The following GAN variants were observed in gnomAD, a reference collection of about 807,000 sequenced individuals.
GAN encodes the protein gigaxonin.
GAN carries 48 observed loss-of-function variants against 71.3 expected under a neutral mutation model. That is an observed-to-expected ratio of 0.67 (90% CI 0.53 to 0.86). The LOEUF is 0.86. Among genes scored for constraint, GAN ranks in the 40% least tolerant of loss-of-function variants. The pLI, the probability that GAN is intolerant of heterozygous loss-of-function variation, is 0.00. For synonymous variants in GAN, 386 were observed against 276.8 expected, an observed-to-expected ratio of 1.39 and a Z score of -3.92; for missense variants, 928 against 770.1, an observed-to-expected ratio of 1.21 and a Z score of -2.43.
rs1442642456 is a variant in GAN at position 81,356,964 on chromosome 16, C to T, written c.813C>T (p.Tyr271=). ...TGGCCAACTTCAAACCCCGGGGCTA[C>T]TCTGAGTGCATCGTGACTGTTGGTG... The part of the protein sequence containing the change: ...AMLANFKPRG[Y]SECIVTVGGE... The change falls in exon 4 of 11, where the codon TAC becomes TAT. Residue 271 remains tyrosine, a synonymous_variant. Coordinates refer to ENST00000648994, the MANE Select transcript of GAN (RefSeq NM_022041.4). The T allele has an allele frequency of 1.2e-6, 2 of 1,612,588 alleles. No individual in the cohort carries two copies. The highest frequency in any genetic ancestry group is 1.7e-6 in the Non-Finnish European group (2 of 1,179,120).
intron 9 of GAN, among the ~76,000 whole-genome samples, chr16:81,368,532 G>A (rs1179403925): frequency 6.6e-6 from 1 of 152,206 alleles, no homozygotes; most frequent in Non-Finnish European, 1.5e-5. Context: ...ACTTGAGCCT[G>A]GGAAGTGGTG....
chr16:81,375,703 C>T (rs1183783858), intron 9 of GAN, among the ~76,000 whole-genome samples: 1 of 151,954 alleles, frequency 6.6e-6, no homozygotes, highest in African/African-American at 2.4e-5. Flanking sequence ...TGGTGGCTCA[C>T]ACCTGCAATC....
chr16:81,349,438 G>C (rs7200073), intron 1 of GAN, among the ~76,000 whole-genome samples: 50,173 of 151,928 alleles, frequency 0.33, 9,192 homozygotes, highest in East Asian at 0.72. Flanking sequence ...CAGTTTAGGA[G>C]TTCGAAACCA....
Position 81,383,056 on chromosome 16 carries a change from A to T in GAN, c.*5460A>T, listed in dbSNP as rs879353061. ...CTTAAACTCCTGGCCTCAGATGTGG[A>T]GACCCAGCTGGGACTACAGGCATGA... On this transcript the variant is annotated 3_prime_UTR_variant, in exon 11 of 11. Transcript: ENST00000648994. 1 of 151,936 alleles carries T rather than the reference A, an allele frequency of 6.6e-6. No individual in the cohort carries two copies. Among genetic ancestry groups the T allele is most frequent in the Admixed American group, 6.6e-5 (1 of 15,244 alleles). 9.4% of individuals were successfully genotyped at this position (151,936 alleles called of 1,614,324 possible).
At chr16:81,316,363 C>T (rs1305858247) in intron 1 of GAN, among the ~76,000 whole-genome samples, 2 of 151,964 alleles carry the variant, frequency 1.3e-5, no homozygotes, top group Non-Finnish European at 2.9e-5. Flanking sequence ...ACACTTTTAA[C>T]CTTTGCATTG....
At chr16:81,341,926 G>A (rs1270029974) in intron 1 of GAN, among the ~76,000 whole-genome samples, 3 of 152,182 alleles carry the variant, frequency 2.0e-5, no homozygotes, top group South Asian at 2.1e-4. Flanking sequence ...TCAAAATAAA[G>A]GGATGGAGGA....
rs964914188 is a variant in GAN at position 81,383,567 on chromosome 16, A to G, written c.*5971A>G. The G allele has an allele frequency of 7.1e-6, 1 of 141,432 alleles. No homozygotes were observed. Among genetic ancestry groups the G allele is most frequent in the African/African-American group, 2.6e-5 (1 of 38,298 alleles). 8.8% of individuals were successfully genotyped at this position (141,432 alleles called of 1,614,324 possible). A position where few individuals can be genotyped will look rare whatever the true frequency, so the allele number is the denominator to read the frequency against. ...TCGCCTGCCCTCTTTTTTTTTTTTT[A>G]TTTTGAGATTAAAACTAATTCTTTT... On this transcript the variant is annotated 3_prime_UTR_variant, in exon 11 of 11. Coordinates refer to ENST00000648994, the MANE Select transcript of GAN (RefSeq NM_022041.4).
intron 9 of GAN, among the ~76,000 whole-genome samples, chr16:81,365,809 G>C (rs774547200): frequency 7.2e-5 from 11 of 151,986 alleles, no homozygotes; most frequent in Admixed American, 2.6e-4. Context: ...CAACATTTAG[G>C]GAGGTAGAAA....
chr16:81,333,225 G>A (rs2150673279), intron 1 of GAN, among the ~76,000 whole-genome samples: 1 of 139,652 alleles, frequency 7.2e-6, no homozygotes, highest in African/African-American at 2.7e-5. Flanking sequence ...CTAGGCAACA[G>A]AGCGAGACTC....
At chr16:81,328,798 C>T (rs1909475227) in intron 1 of GAN, among the ~76,000 whole-genome samples, 1 of 152,128 alleles carries the variant, frequency 6.6e-6, no homozygotes, top group East Asian at 1.9e-4. Flanking sequence ...TAAAAATATT[C>T]AGAGCAGGGA....
chr16:81,363,937 C>G lies in GAN; in HGVS notation c.1230C>G (p.Val410=). 6.2e-7 allele frequency: 1 copy of G among 1,612,680 alleles called. No homozygotes were observed. The highest frequency in any genetic ancestry group is 8.5e-7 in the Non-Finnish European group (1 of 1,178,684). The stretch of plus-strand genomic sequence containing the variant: ...CAAAGCAACCTGATTTGACCATGGT[C>G]AGAAAGGTGAGGACTGCATTTTGTG... ...TWTKQPDLTM[V]RKIGCYAAMK... The change falls in exon 7 of 11, where the codon GTC becomes GTG. Residue 410 remains valine (V), a synonymous_variant. Coordinates refer to ENST00000648994, the MANE Select transcript of GAN (RefSeq NM_022041.4).
chr16:81,329,002 A>G (rs898505457), intron 1 of GAN, among the ~76,000 whole-genome samples: 2 of 152,162 alleles, frequency 1.3e-5, no homozygotes, highest in Admixed American at 1.3e-4. Flanking sequence ...AGATGTTTAA[A>G]AATCTGGGCG....
chr16:81,367,204 G>C (rs746352528), intron 9 of GAN, among the ~76,000 whole-genome samples: 47 of 152,238 alleles, frequency 3.1e-4, no homozygotes, highest in Middle Eastern at 3.4e-3. Context: ...TTAAACGTAA[G>C]ACTGTGGTTC....
intron 1 of GAN, among the ~76,000 whole-genome samples, chr16:81,336,467 G>A (rs1053683772): frequency 6.6e-6 from 1 of 151,950 alleles, no homozygotes; most frequent in Non-Finnish European, 1.5e-5. Context: ...TTATTTTTAT[G>A]TATTTATTTA....
intron 9 of GAN, among the ~76,000 whole-genome samples, chr16:81,374,795 T>A (rs1293115804): frequency 6.6e-6 from 1 of 152,216 alleles, no homozygotes; most frequent in Non-Finnish European, 1.5e-5. Context: ...ATCAAGCACT[T>A]CTTCATAGAG....
chr16:81,319,962 G>A (rs1341781883), intron 1 of GAN, among the ~76,000 whole-genome samples: 1 of 152,154 alleles, frequency 6.6e-6, no homozygotes, highest in African/African-American at 2.4e-5. Context: ...TAGCTTTATT[G>A]TGTCATTTAA....
intron 3 of GAN, among the ~76,000 whole-genome samples, chr16:81,355,139 C>T (rs569247032): frequency 3.9e-5 from 6 of 152,266 alleles, no homozygotes; most frequent in Admixed American, 2.6e-4. Flanking sequence ...CTGCAGCAGG[C>T]AGGGGGGTGG....
chr16:81,368,707 C>G (rs576984043), intron 9 of GAN, among the ~76,000 whole-genome samples: 16 of 152,280 alleles, frequency 1.1e-4, no homozygotes, highest in African/African-American at 3.9e-4. Context: ...TTTCACATTT[C>G]CCACCTTCCC....
intron 9 of GAN, among the ~76,000 whole-genome samples, chr16:81,375,284 A>T (rs569376366): frequency 8.9e-4 from 130 of 145,592 alleles, no homozygotes; most frequent in Admixed American, 2.6e-3. Flanking sequence ...AAACCCAATT[A>T]AAAAAAAAAT....
Sources: gnomAD v4.1 joint callset for allele counts (sites outside exome capture counted in the v4.1 genomes callset) on GRCh38, gnomAD v4.1.1 for gene constraint, MANE v1.5 for transcripts, NCBI Gene and HGNC (gene_info 2026-07-23, HGNC 2026-07-21) for gene names.